Variants in HBS1L observed in about 807,000 individuals in gnomAD.
HBS1L encodes the protein HBS1-like protein.
Under a neutral mutation model 88.9 loss-of-function variants are expected in HBS1L, and 55 were observed. That is an observed-to-expected ratio of 0.62 (90% confidence interval 0.50 to 0.77). HBS1L has a LOEUF of 0.77. Ranked by LOEUF, HBS1L falls within the 30% of genes least tolerant of loss-of-function variation. The pLI is 0.00. For synonymous variants in HBS1L, 267 were observed against 288.5 expected, an observed-to-expected ratio of 0.93 and a Z score of 0.76; for missense variants, 741 against 829.3, an observed-to-expected ratio of 0.89 and a Z score of 1.31.
At position 134,982,596 on chromosome 6, in the gene HBS1L, A is replaced by G. The variant is rs759127953; in HGVS notation, c.1493-34T>C. 21 of 1,233,644 alleles carry G rather than the reference A, an allele frequency of 1.7e-5. No homozygotes were observed. The East Asian group carries it at 3.5e-4, about 21-fold the overall frequency. 76.4% of individuals were successfully genotyped at this position (1,233,644 alleles called of 1,614,324 possible). On this transcript the variant is annotated intron_variant, in intron 12 of 17. Coordinates refer to ENST00000367837, the MANE Select transcript of HBS1L (RefSeq NM_006620.4). The stretch of plus-strand genomic sequence containing the variant: ...CATACCAAAATCTTATGGTTCATAC[A>G]GCAATGTTATCTGATGATTAATACC...
Position 135,025,999 on chromosome 6 carries a change from T to C in HBS1L, c.430+13574A>G, listed in dbSNP as rs367723083. Among the ~76,000 whole-genome samples the C allele has an allele frequency of 3.9e-5, 6 of 152,258 alleles. No homozygotes were observed. The East Asian group carries it at 7.7e-4, about 20-fold the overall frequency. Reference sequence around the variant, plus strand: ...GAATCGAGGTAGCTAGTTAGCAACATGCAACAATAGAAAACAGTAGAGCAA... The same window carrying C: ...GAATCGAGGTAGCTAGTTAGCAACACGCAACAATAGAAAACAGTAGAGCAA... On this transcript the variant is annotated intron_variant, in intron 4 of 17. Coordinates refer to ENST00000367837, the MANE Select transcript of HBS1L (RefSeq NM_006620.4).
intron 4 of HBS1L, among the ~76,000 whole-genome samples, chr6:135,022,785 G>A (rs1343777019): frequency 6.6e-6 from 1 of 151,994 alleles, no homozygotes; most frequent in Non-Finnish European, 1.5e-5. Context: ...CATTTTAAGT[G>A]CATTATTGAA....
chr6:134,976,390 A>C (rs186649906), intron 15 of HBS1L, among the ~76,000 whole-genome samples: 5 of 152,322 alleles, frequency 3.3e-5, no homozygotes, highest in Non-Finnish European at 5.9e-5. Context: ...CAGTTGATCC[A>C]GCAGTCTCAC....
rs1776758318 is a variant in HBS1L at position 135,042,116 on chromosome 6, A to C, written c.120T>G (p.Phe40Leu). The C allele has an allele frequency of 6.2e-7, 1 of 1,612,928 alleles. No individual in the cohort carries two copies. The highest frequency in any genetic ancestry group is 2.2e-5 in the East Asian group (1 of 44,804). The change falls in exon 3 of 18, where the codon TTT (phenylalanine) becomes TTG (leucine). Residue 40 changes from phenylalanine (F) to leucine (L), a missense_variant. By Grantham distance (22) the Phe-to-Leu change is conservative. Around this residue, in one of 3 missense-constraint regions of HBS1L, gnomAD observed 556 missense variants for 598.4 expected, o/e 0.93. Transcript: ENST00000367837. ...AAGGTTTGTCACGCCGTGAATAAAT[A>C]AACTGAGCAGCTAGAATATAAAATG... ...YCISPSTAAQ[F>L]IYSRRDKPSV...
chr6:135,008,075 G>C (rs1775662942), intron 4 of HBS1L, among the ~76,000 whole-genome samples: 1 of 152,092 alleles, frequency 6.6e-6, no homozygotes, highest in Non-Finnish European at 1.5e-5. Flanking sequence ...CCCACTATGA[G>C]ATAAAAATAA....
chr6:135,002,435 C>A (rs1775488532), intron 5 of HBS1L, among the ~76,000 whole-genome samples: 1 of 152,124 alleles, frequency 6.6e-6, no homozygotes, highest in South Asian at 2.1e-4. Context: ...TAAGAATTCC[C>A]TATCTCACAG....
intron 12 of HBS1L, chr6:134,982,769 C>T (rs1774869353): frequency 2.9e-6 from 1 of 349,536 alleles, no homozygotes; most frequent in East Asian, 4.5e-5. Context: ...CTCATATTAC[C>T]AAAGAAAGGT....
At chr6:135,050,444 G>T in intron 2 of HBS1L, 138 bp downstream of exon 2, 1 of 534,416 alleles carries the variant, frequency 1.9e-6, no homozygotes, top group Non-Finnish European at 3.3e-6. Context: ...TATTTTATAT[G>T]CCTTTAATAA....
At chr6:135,051,055 G>A (rs947502261) in intron 1 of HBS1L, among the ~76,000 whole-genome samples, 7 of 151,988 alleles carry the variant, frequency 4.6e-5, no homozygotes, top group Admixed American at 1.3e-4. Flanking sequence ...GTGAAACCCC[G>A]TCTCTACTAA....
chr6:135,026,732 G>A (rs1776236334), intron 4 of HBS1L: 1 of 151,802 alleles, frequency 6.6e-6, no homozygotes, highest in Non-Finnish European at 1.5e-5. Context: ...TAGTAAAAAC[G>A]GAAATTTAAT....
rs765479922 is a variant in HBS1L, at chr6:135,039,652, T to C, written c.351A>G (p.Ser117=). The change falls in exon 4 of 18, where the codon TCA becomes TCG. Residue 117 remains serine, a synonymous_variant. Coordinates refer to ENST00000367837, the MANE Select transcript of HBS1L (RefSeq NM_006620.4). ...GCACTCTATCTTGTTCCAGAACCCC[T>C]GACAAAGCCTTCTGCACATCAAACT... ...KNKFDVQKAL[S]GVLEQDRVQS... The C allele has an allele frequency of 2.5e-6, 4 of 1,614,142 alleles. No individual in the cohort carries two copies. The highest frequency in any genetic ancestry group is 2.2e-5 in the South Asian group (2 of 91,086).
intron 4 of HBS1L, among the ~76,000 whole-genome samples, chr6:135,018,133 C>G (rs73774535): frequency 0.01 from 1,586 of 151,980 alleles, 30 homozygotes; most frequent in African/African-American, 0.036. Flanking sequence ...TCAAAGAAAT[C>G]AGTGCTAAAT....
At chr6:134,970,803 C>T (rs1040314672) in intron 15 of HBS1L, among the ~76,000 whole-genome samples, 26 of 152,216 alleles carry the variant, frequency 1.7e-4, no homozygotes, top group African/African-American at 5.8e-4. Flanking sequence ...CACCCTAATC[C>T]AAACCAGAAC....
At chr6:134,967,731 T>C (rs763113530) in intron 16 of HBS1L, among the ~76,000 whole-genome samples, 20 of 152,186 alleles carry the variant, frequency 1.3e-4, no homozygotes, top group Non-Finnish European at 2.6e-4. Flanking sequence ...AACAAAAGAA[T>C]ATAATTTATG....
intron 12 of HBS1L, among the ~76,000 whole-genome samples, chr6:134,984,238 G>T (rs763402978): frequency 1.3e-5 from 2 of 152,272 alleles, no homozygotes; most frequent in Non-Finnish European, 2.9e-5. Context: ...AGCTAATAAT[G>T]ATAATGATAA....
At chr6:135,014,520 A>G (rs1199731401) in intron 4 of HBS1L, among the ~76,000 whole-genome samples, 1 of 152,230 alleles carries the variant, frequency 6.6e-6, no homozygotes, top group Non-Finnish European at 1.5e-5. Flanking sequence ...AGGAGACCAC[A>G]ACCACTGTGA....
intron 4 of HBS1L, among the ~76,000 whole-genome samples, chr6:135,005,968 A>T (rs1016909538): frequency 6.6e-6 from 1 of 152,226 alleles, no homozygotes; most frequent in Admixed American, 6.5e-5. Context: ...TTGAACATTT[A>T]AAAAATTAGA....
rs1485688038 is a variant in HBS1L, at chr6:135,052,946, T to C, written c.43+1703A>G. 2.6e-5 allele frequency among the ~76,000 whole-genome samples: 4 copies of C among 152,340 alleles called. No individual in the cohort carries two copies. In the East Asian group the frequency reaches 7.7e-4, roughly 29 times the overall value. ...ATTTCTTAACAGAATTTTTAAATTA[T>C]TATTCTGAGAATTCAAGAGAAAGCC... is the stretch of plus-strand genomic sequence containing the variant. On this transcript the variant is annotated intron_variant, in intron 1 of 17. Coordinates refer to ENST00000367837, the MANE Select transcript of HBS1L (RefSeq NM_006620.4).
intron 5 of HBS1L, among the ~76,000 whole-genome samples, chr6:134,999,051 C>T (rs1325563033): frequency 6.6e-6 from 1 of 152,190 alleles, no homozygotes; most frequent in Non-Finnish European, 1.5e-5. Context: ...CAATTCTATA[C>T]TTAGAAGAAT....
Sources: gnomAD v4.1 joint callset for allele counts (sites outside exome capture counted in the v4.1 genomes callset) on GRCh38, gnomAD v4.1.1 for gene constraint, gnomAD v4.1.1 regional missense constraint, MANE v1.5 for transcripts, NCBI Gene and HGNC (gene_info 2026-07-23, HGNC 2026-07-21) for gene names.